SMCO4: variants seen among roughly 807,000 people sequenced by gnomAD.
The protein encoded by SMCO4 is single-pass membrane protein with coiled-coil domains 4, also known as single-pass membrane and coiled-coil domain-containing protein 4.
In SMCO4, 4 loss-of-function variants were observed where a neutral mutation model predicts 3.6. The ratio of observed to expected loss-of-function variants is 1.11; its 90% confidence interval spans 0.54 to 2.53. SMCO4 has a LOEUF of 2.53. Among genes scored for constraint, SMCO4 ranks in the 30% most tolerant of loss-of-function variants. The probability of loss-of-function intolerance (pLI) is 0.02; values close to 1 mark genes in which losing one functional copy is unlikely to be tolerated. For synonymous variants in SMCO4, 36 were observed against 35.3 expected (o/e 1.02, Z -0.07); for missense variants, 70 against 80.8 (o/e 0.87, Z 0.51).
At chr11:93,544,928 G>C (rs781178625), upstream of SMCO4, among the ~76,000 whole-genome samples, 1 of 152,166 alleles carries the variant, frequency 6.6e-6, no homozygotes, top group Non-Finnish European at 1.5e-5. Flanking sequence ...TGTTCTATGC[G>C]CTGAAAGAAT....
chr11:93,534,215 TACACACAC>T (rs71064754), intron 1 of SMCO4, among the ~76,000 whole-genome samples: 3,944 of 128,174 alleles, frequency 0.031, 386 homozygotes, highest in Admixed American at 0.19. Context: ...AATATATATA[TACACACAC>T]ACACACACAC....
chr11:93,522,968 C>T (rs1329640317), intron 1 of SMCO4, among the ~76,000 whole-genome samples: 1 of 152,126 alleles, frequency 6.6e-6, no homozygotes, highest in African/African-American at 2.4e-5. Flanking sequence ...AAGAGAATTG[C>T]TCAAGATCAC....
At chr11:93,480,245 G>A (rs1009540333) in intron 2 of SMCO4, among the ~76,000 whole-genome samples, 1 of 152,298 alleles carries the variant, frequency 6.6e-6, no homozygotes, top group East Asian at 1.9e-4. Context: ...ATGCTGTGCT[G>A]CCATAACTGG....
chr11:93,518,822 A>G (rs749528560), intron 1 of SMCO4, among the ~76,000 whole-genome samples: 2 of 152,224 alleles, frequency 1.3e-5, no homozygotes, highest in Admixed American at 6.5e-5. Flanking sequence ...GTGACTGGCT[A>G]TAAGACTTTT....
intron 1 of SMCO4, among the ~76,000 whole-genome samples, chr11:93,526,636 A>C (rs76486491): frequency 1.3e-5 from 2 of 152,300 alleles, no homozygotes; most frequent in African/African-American, 2.4e-5. Flanking sequence ...CACATCTCCA[A>C]GGTCAGCCCC....
chr11:93,513,796 G>T (rs1327054413), intron 1 of SMCO4, among the ~76,000 whole-genome samples: 1 of 152,176 alleles, frequency 6.6e-6, no homozygotes, highest in Admixed American at 6.6e-5. Context: ...TATTAATAAG[G>T]AATGCATTTT....
intron 1 of SMCO4, among the ~76,000 whole-genome samples, chr11:93,534,375 T>TATAGAGAGAGAG (rs369643237): frequency 7.7e-5 from 11 of 142,140 alleles, no homozygotes; most frequent in East Asian, 4.1e-4. Context: ...TATATATATA[T>TATAGAGAGAGAG]AGAGAGAGAG....
At chr11:93,493,193 T>C (rs530219815) in intron 2 of SMCO4, among the ~76,000 whole-genome samples, 3 of 152,340 alleles carry the variant, frequency 2.0e-5, no homozygotes, top group Admixed American at 6.5e-5. Flanking sequence ...ACAAGGTTTA[T>C]TGATCTTGCC....
At chr11:93,506,248 T>C (rs1948901023) in intron 1 of SMCO4, among the ~76,000 whole-genome samples, 1 of 152,220 alleles carries the variant, frequency 6.6e-6, no homozygotes, top group Non-Finnish European at 1.5e-5. Flanking sequence ...TCTTACCCAC[T>C]GGTTTTTGAA....
chr11:93,535,625 A>G (rs1181131925), intron 1 of SMCO4: 1 of 1,583,926 alleles, frequency 6.3e-7, no homozygotes, highest in Non-Finnish European at 8.7e-7. Context: ...GAGCCTGCAG[A>G]CAACAAGTGT....
At chr11:93,514,218 C>T (rs1335101476) in intron 1 of SMCO4, among the ~76,000 whole-genome samples, 1 of 151,562 alleles carries the variant, frequency 6.6e-6, no homozygotes, top group Non-Finnish European at 1.5e-5. Context: ...TCACTGAGGG[C>T]TATAGGCCAG....
At chr11:93,516,984 G>A (rs1190109011) in intron 1 of SMCO4, among the ~76,000 whole-genome samples, 2 of 152,032 alleles carry the variant, frequency 1.3e-5, no homozygotes, top group African/African-American at 4.8e-5. Context: ...GCTGGATGAT[G>A]GGAGCCTCTC....
chr11:93,535,915 G>A (rs1591330370), intron 1 of SMCO4: 1 of 1,564,688 alleles, frequency 6.4e-7, no homozygotes, highest in East Asian at 2.3e-5. Context: ...CCCACAGTAG[G>A]TGTTTTCACA....
rs1038075079 is a variant in SMCO4, at chr11:93,478,691, G to C, written c.*319C>G. The stretch of plus-strand genomic sequence containing the variant: ...CCCTCTTCAGGTGGAGCTACTTATC[G>C]ATTTTTAGGAGAGAAAAAGAAGCAC... On this transcript the variant is annotated 3_prime_UTR_variant, in exon 3 of 3. Coordinates refer to ENST00000298966, the MANE Select transcript of SMCO4 (RefSeq NM_020179.3). The C allele has an allele frequency of 2.7e-6, 1 of 364,894 alleles. No homozygotes were observed. The highest frequency in any genetic ancestry group is 4.0e-6 in the Non-Finnish European group (1 of 249,910). The allele number at this position is 364,894 out of a possible 1,614,324, so 22.6% of individuals were successfully genotyped here. A position where few individuals can be genotyped will look rare whatever the true frequency, so the allele number is the denominator to read the frequency against.
rs1948549505 is a variant in SMCO4 at position 93,478,733 on chromosome 11, AC to A, written c.*276del. On this transcript the variant is annotated 3_prime_UTR_variant, in exon 3 of 3. Transcript: ENST00000298966. The stretch of plus-strand genomic sequence containing the variant: ...AAGAAGCACACACACACACACACAC[AC>A]ACACACACACACACACACATGCGCG... The A allele has an allele frequency of 1.6e-6, 1 of 606,716 alleles. No individual in the cohort carries two copies. The allele number at this position is 606,716 out of a possible 1,614,324, so 37.6% of individuals were successfully genotyped here.
intron 1 of SMCO4, among the ~76,000 whole-genome samples, chr11:93,542,615 AG>A (rs1474389778): frequency 6.6e-6 from 1 of 152,148 alleles, no homozygotes; most frequent in Non-Finnish European, 1.5e-5. Context: ...CACCCCGTAC[AG>A]GAACTCCCCA....
At chr11:93,506,440 C>CTTTT (rs35870051) in intron 1 of SMCO4, among the ~76,000 whole-genome samples, 1 of 139,776 alleles carries the variant, frequency 7.2e-6, no homozygotes, top group Non-Finnish European at 1.6e-5. Context: ...ACACACACAG[C>CTTTT]TTTTTTTTTT....
the SMCO4 span, among the ~76,000 whole-genome samples, chr11:93,550,440 G>T: frequency 6.6e-6 from 1 of 152,044 alleles, no homozygotes; most frequent in Non-Finnish European, 1.5e-5. Context: ...TAGGAGGACC[G>T]CTTGAGCTCA....
chr11:93,495,220 G>A (rs557859376), intron 2 of SMCO4, among the ~76,000 whole-genome samples: 1 of 152,060 alleles, frequency 6.6e-6, no homozygotes, highest in Non-Finnish European at 1.5e-5. Flanking sequence ...AGGACTCTGG[G>A]TAATAAACTC....
Sources: gnomAD v4.1 joint callset for allele counts (sites outside exome capture counted in the v4.1 genomes callset) on GRCh38, gnomAD v4.1.1 for gene constraint, MANE v1.5 for transcripts, NCBI Gene and HGNC (gene_info 2026-07-23, HGNC 2026-07-21) for gene names.